The following NEGR1 variants were observed in gnomAD, a reference collection of about 807,000 sequenced individuals.
The protein encoded by NEGR1 is neuronal growth regulator 1, also known as IgLON family member 4.
In NEGR1, 10 loss-of-function variants were observed where a neutral mutation model predicts 40.9. That is an observed-to-expected ratio of 0.24 (90% CI 0.15 to 0.42). The LOEUF is 0.42. Among genes scored for constraint, NEGR1 ranks in the 10% least tolerant of loss-of-function variants. NEGR1 has a pLI of 1.00. For missense variants in NEGR1, 352 were observed against 438.9 expected (o/e 0.80, Z 1.77); for synonymous variants, 185 against 166.8 (o/e 1.11, Z -0.84).
chr1:71,994,326 A>G (rs1408703776), intron 1 of NEGR1, among the ~76,000 whole-genome samples: 2 of 152,068 alleles, frequency 1.3e-5, no homozygotes, highest in East Asian at 3.9e-4. Context: ...CAGGCAATGG[A>G]AACCATCCTG....
intron 1 of NEGR1, among the ~76,000 whole-genome samples, chr1:72,173,231 C>A (rs1652027916): frequency 6.6e-6 from 1 of 150,798 alleles, no homozygotes; most frequent in Non-Finnish European, 1.5e-5. Context: ...TGGTCTCAAA[C>A]TCCTGAGTTC....
At chr1:72,022,698 T>A (rs1001378165) in intron 1 of NEGR1, among the ~76,000 whole-genome samples, 1 of 152,092 alleles carries the variant, frequency 6.6e-6, no homozygotes, top group African/African-American at 2.4e-5. Context: ...TTTAAAAGTT[T>A]ACAAGAATTT....
chr1:71,688,337 G>T (rs2422025), intron 4 of NEGR1, among the ~76,000 whole-genome samples: 19,242 of 49,970 alleles, frequency 0.39, 3,572 homozygotes, highest in East Asian at 0.47. Flanking sequence ...TAGATAGATA[G>T]ATAGATAGAT....
At chr1:71,656,234 C>T (rs1363389431) in intron 4 of NEGR1, among the ~76,000 whole-genome samples, 5 of 152,212 alleles carry the variant, frequency 3.3e-5, no homozygotes, top group East Asian at 1.9e-4. Flanking sequence ...ACTCTCATGA[C>T]GTAGTAAAGA....
chr1:72,271,368 T>C (rs1383638980), intron 1 of NEGR1, among the ~76,000 whole-genome samples: 1 of 151,880 alleles, frequency 6.6e-6, no homozygotes, highest in African/African-American at 2.4e-5. Context: ...CATCATTTTG[T>C]TCCATGTTGC....
rs550336025 is a variant in NEGR1, at chr1:72,201,022, G to T, written c.176+81297C>A. Among the ~76,000 whole-genome samples the T allele has an allele frequency of 4.0e-5, 6 of 151,756 alleles. No individual in the cohort carries two copies. In the South Asian group the frequency reaches 1.0e-3, roughly 26 times the overall value. On this transcript the variant is annotated intron_variant, in intron 1 of 6. Coordinates refer to ENST00000357731, the MANE Select transcript of NEGR1 (RefSeq NM_173808.3). ...ACTATTATAAAATGATTTAACAAAA[G>T]TTGTATTTGATATATGAATGGGTAA... is the stretch of plus-strand genomic sequence containing the variant.
intron 2 of NEGR1, among the ~76,000 whole-genome samples, chr1:71,886,771 C>T (rs1333592765): frequency 1.3e-5 from 2 of 152,158 alleles, no homozygotes; most frequent in East Asian, 3.9e-4. Context: ...ATTCCATTTA[C>T]TGGTTTTCTG....
intron 6 of NEGR1, among the ~76,000 whole-genome samples, chr1:71,587,939 C>G (rs1030005129): frequency 1.3e-5 from 2 of 152,126 alleles, no homozygotes; most frequent in Non-Finnish European, 2.9e-5. Context: ...ATTCTAAGCA[C>G]TTTGCTTATG....
intron 3 of NEGR1, among the ~76,000 whole-genome samples, chr1:71,730,683 T>C (rs1654832033): frequency 6.6e-6 from 1 of 150,898 alleles, no homozygotes; most frequent in Non-Finnish European, 1.5e-5. Flanking sequence ...CAAAATAGTA[T>C]CAAACAGACT....
chr1:71,559,048 CAT>C (rs1648357052), intron 6 of NEGR1, among the ~76,000 whole-genome samples: 1 of 124,626 alleles, frequency 8.0e-6, no homozygotes, highest in Non-Finnish European at 1.8e-5. Context: ...TATATATACA[CAT>C]ATATATTCAT....
chr1:72,160,766 T>C (rs897414215), intron 1 of NEGR1, among the ~76,000 whole-genome samples: 30 of 152,132 alleles, frequency 2.0e-4, no homozygotes, highest in Admixed American at 2.0e-3. Context: ...TAACAGGGCA[T>C]TCCTTTTGAG....
intron 2 of NEGR1, among the ~76,000 whole-genome samples, chr1:71,894,750 G>C (rs971347141): frequency 6.6e-6 from 1 of 152,110 alleles, no homozygotes; most frequent in Non-Finnish European, 1.5e-5. Flanking sequence ...TTTAAAAAAA[G>C]TGAGAGAGAG....
intron 6 of NEGR1, among the ~76,000 whole-genome samples, chr1:71,590,856 C>T (rs974929338): frequency 1.3e-5 from 2 of 152,080 alleles, no homozygotes; most frequent in Non-Finnish European, 2.9e-5. Flanking sequence ...TTAATCCATC[C>T]ATTCATTTAC....
intron 5 of NEGR1, among the ~76,000 whole-genome samples, chr1:71,598,633 C>G (rs1289562923): frequency 6.6e-6 from 1 of 152,148 alleles, no homozygotes; most frequent in African/African-American, 2.4e-5. Flanking sequence ...TTTTCTTCCT[C>G]TAGGTTCACT....
In NEGR1 at chr1:71,513,326, A is replaced by C. The variant is rs146613874; in HGVS notation, c.940+79491T>G. ...AAGTGAGTTATGAGGAAAAGCACAC[A>C]GGGTGGTTTTCATCTTGGAGAATCT... is the stretch of plus-strand genomic sequence containing the variant. On this transcript the variant is annotated intron_variant, in intron 6 of 6. Coordinates refer to ENST00000357731, the MANE Select transcript of NEGR1 (RefSeq NM_173808.3). Among the ~76,000 whole-genome samples, 33 of 152,294 alleles carry C rather than the reference A, an allele frequency of 2.2e-4. No homozygotes were observed. In the East Asian group the frequency reaches 6.2e-3, roughly 29 times the overall value.
chr1:71,455,327 A>G (rs1646664607), intron 6 of NEGR1, among the ~76,000 whole-genome samples: 1 of 152,218 alleles, frequency 6.6e-6, no homozygotes, highest in South Asian at 2.1e-4. Context: ...GAATGACTGA[A>G]TGACTGAATG....
chr1:72,195,877 G>T (rs1230155877), intron 1 of NEGR1, among the ~76,000 whole-genome samples: 1 of 151,958 alleles, frequency 6.6e-6, no homozygotes, highest in African/African-American at 2.4e-5. Flanking sequence ...TTGTTATTGT[G>T]ATGGTACTGA....
intron 3 of NEGR1, among the ~76,000 whole-genome samples, chr1:71,715,567 GT>G (rs1293690708): frequency 6.6e-6 from 1 of 152,098 alleles, no homozygotes; most frequent in East Asian, 1.9e-4. Context: ...GAGCACCCAA[GT>G]CACTCCTTGA....
At chr1:71,783,312 A>G (rs892119585) in intron 2 of NEGR1, among the ~76,000 whole-genome samples, 1 of 152,140 alleles carries the variant, frequency 6.6e-6, no homozygotes, top group Non-Finnish European at 1.5e-5. Context: ...GTGAAAGCAG[A>G]TCTACGTTAC....
Sources: allele counts gnomAD v4.1 joint callset (sites outside exome capture counted in the v4.1 genomes callset), GRCh38; gene constraint gnomAD v4.1.1; transcripts MANE v1.5; gene names NCBI Gene and HGNC (gene_info 2026-07-23, HGNC 2026-07-21).